TAF1C: variants seen among roughly 807,000 people sequenced by gnomAD.
The protein encoded by TAF1C is TATA-box binding protein associated factor, RNA polymerase I subunit C, also known as TATA box-binding protein-associated factor RNA polymerase I subunit C.
TAF1C carries 79 observed loss-of-function variants against 70.5 expected under a neutral mutation model. The observed-to-expected ratio is 1.12, with a 90% confidence interval of 0.93 to 1.35. The LOEUF is 1.35. Ranked by LOEUF, TAF1C falls within the 40% of genes most tolerant of loss-of-function variation. The pLI, the probability that TAF1C is intolerant of heterozygous loss-of-function variation, is 0.00. For missense variants in TAF1C, 1,412 were observed against 1,127.8 expected (o/e 1.25, Z -3.61); for synonymous variants, 614 against 491.1 (o/e 1.25, Z -3.31).
chr16:84,181,712 GC>G (rs1567592572), intron 9 of TAF1C, 33 bp downstream of exon 9: 1 of 1,613,858 alleles, frequency 6.2e-7, no homozygotes, highest in East Asian at 2.2e-5. Context: ...CCTGCCTCCA[GC>G]CCCTCCTCAC....
At chr16:84,183,179 C>A (rs758684633) in intron 5 of TAF1C, 30 bp from the exon 6 acceptor site, 1 of 1,614,046 alleles carries the variant, frequency 6.2e-7, no homozygotes. Flanking sequence ...CAGGCTCACA[C>A]ACCCTCGAGT....
Position 84,182,848 on chromosome 16 carries a change from C to T in TAF1C, c.482+228G>A, listed in dbSNP as rs371114637. On this transcript the variant is annotated intron_variant, in intron 6 of 14. Transcript: ENST00000566732. The surrounding 1 kb of genome is among the most constrained non-coding windows in gnomAD (Gnocchi z 5.0). ...GGAAAGAGAGACACAGCTCTATGAA[C>T]ATTATTTGAACACCTGGATGCAGCT... is the stretch of plus-strand genomic sequence containing the variant. Among the ~76,000 whole-genome samples, 222 of 152,306 alleles carry T rather than the reference C, an allele frequency of 1.5e-3. 1 individual carries two copies. The highest frequency in any genetic ancestry group is 0.01 in the Middle Eastern group (3 of 294).
At position 84,181,137 on chromosome 16, in the gene TAF1C, G is replaced by A. The variant is rs78476640; in HGVS notation, c.1214C>T (p.Ser405Leu). 1.5e-4 allele frequency: 242 copies of A among 1,612,818 alleles called. 5 individuals carry two copies. The East Asian group carries it at 5.2e-3, about 34-fold the overall frequency. The change falls in exon 12 of 15, where the codon TCG becomes TTG. Residue 405 changes from serine (S) to leucine (L), a missense_variant. Ser to Leu is a moderately radical substitution (Grantham distance 145). Coordinates refer to ENST00000566732, the MANE Select transcript of TAF1C (RefSeq NM_001243156.2). ...CAGGACACGTTCCCCTTTCTGGCAC[G>A]AAGCCTCTGCCCCCAAACGAAAAAG... ...LLLFRLGAEA[S>L]CQKGERVLLT...
rs754546154 is a variant in TAF1C, at chr16:84,179,974, C to T, written c.1593G>A (p.Leu531=). Reference sequence around the variant, plus strand: ...TGGTCGGTGCTTTCAGGCGCTCCTGCAGCCGCCACTGGATCTTAGGCTCCA... The same window carrying T: ...TGGTCGGTGCTTTCAGGCGCTCCTGTAGCCGCCACTGGATCTTAGGCTCCA... The part of the protein sequence containing the change: ...PLLEPKIQWR[L]QERLKAPTIG... Residue 531 remains leucine (L), a synonymous_variant, in exon 14 of 15, where the codon CTG becomes CTA. Coordinates refer to ENST00000566732, the MANE Select transcript of TAF1C (RefSeq NM_001243156.2). The T allele has an allele frequency of 2.5e-6, 4 of 1,612,280 alleles. No individual in the cohort carries two copies. The highest frequency in any genetic ancestry group is 1.3e-5 in the African/African-American group (1 of 75,018).
At chr16:84,180,482 C>G (rs917959882) in intron 12 of TAF1C, 138 bp from the exon 13 acceptor site, 3 of 900,788 alleles carry the variant, frequency 3.3e-6, no homozygotes, top group Non-Finnish European at 4.9e-6. Context: ...CTCCACGTGC[C>G]TCTCAGACTT....
At position 84,181,926 on chromosome 16, in the gene TAF1C, T is replaced by C. The variant is rs139271530; in HGVS notation, c.838+16A>G. 99 of 1,613,956 alleles carry C rather than the reference T, an allele frequency of 6.1e-5. No homozygotes were observed. The highest frequency in any genetic ancestry group is 7.4e-5 in the Non-Finnish European group (87 of 1,179,976). On this transcript the variant is annotated intron_variant, in intron 8 of 14. Transcript: ENST00000566732. ...GGTCAGCCAGTGAGGGAGGAAAGTGTATATAAGGGCCTTACTTTCTCCCTG... is the reference window on the plus strand; with the variant it reads ...GGTCAGCCAGTGAGGGAGGAAAGTGCATATAAGGGCCTTACTTTCTCCCTG...
rs905505724 is a variant in TAF1C at position 84,183,467 on chromosome 16, G to A, written c.261C>T (p.Phe87=). The change falls in exon 4 of 15, where the codon TTC becomes TTT. Residue 87 remains phenylalanine (F), a synonymous_variant. Transcript: ENST00000566732. ...GCTTCCGATACCGGCACCCTCCGCG[G>A]AAAAGCAGGTCCCGGGCAGTCAGGC... is the stretch of plus-strand genomic sequence containing the variant. ...DPGLTARDLL[F]RGGCRYRKRP... 2.5e-6 allele frequency: 4 copies of A among 1,611,970 alleles called. No individual in the cohort carries two copies. In the African/African-American group the frequency reaches 5.3e-5, roughly 22 times the overall value.
Position 84,182,561 on chromosome 16 carries a change from G to A in TAF1C, c.483-121C>T, listed in dbSNP as rs2089265416. 3 of 934,030 alleles carry A rather than the reference G, an allele frequency of 3.2e-6. No homozygotes were observed. Among genetic ancestry groups the A allele is most frequent in the Non-Finnish European group, 4.7e-6 (3 of 635,078 alleles). 57.9% of individuals were successfully genotyped at this position (934,030 alleles called of 1,614,324 possible). On this transcript the variant is annotated intron_variant, in intron 6 of 14. Transcript: ENST00000566732. The surrounding 1 kb of genome is among the most constrained non-coding windows in gnomAD (Gnocchi z 5.0). ...ATTTACCTAGAATTTCTTCCTTTGG[G>A]AGACCACCCCATCCTGTTCCCATGC... is the stretch of plus-strand genomic sequence containing the variant.
Position 84,178,932 on chromosome 16 carries a change from C to G in TAF1C, c.*9G>C, listed in dbSNP as rs770596520. ...TCTCTGGGGCTTGAGGGCAGCCCAC[C>G]TTGTGTCCTCAGAAGCCCATTCGAG... On this transcript the variant is annotated 3_prime_UTR_variant, in exon 15 of 15. Coordinates refer to ENST00000566732, the MANE Select transcript of TAF1C (RefSeq NM_001243156.2). 1.2e-5 allele frequency: 19 copies of G among 1,583,840 alleles called. No individual in the cohort carries two copies. The highest frequency in any genetic ancestry group is 1.4e-5 in the Non-Finnish European group (16 of 1,167,192).
Position 84,178,962 on chromosome 16 carries a change from C to A in TAF1C, c.2511G>T (p.Lys837Asn), listed in dbSNP as rs773455339. 20 of 1,609,620 alleles carry A rather than the reference C, an allele frequency of 1.2e-5. No individual in the cohort carries two copies. Among genetic ancestry groups the A allele is most frequent in the Non-Finnish European group, 1.7e-5 (20 of 1,179,134 alleles). ...GTCCTCAGAAGCCCATTCGAGGCTT[C>A]TTCCGGAGGGGCTGAGAGCTAGAGA... ...PVLSSSQPLR[K>N]KPRMGF Residue 837 changes from lysine (K) to asparagine (N), a missense_variant, in exon 15 of 15, where the codon AAG becomes AAT. By Grantham distance (94) the Lys-to-Asn change is moderately conservative. Transcript: ENST00000566732.
chr16:84,179,914 G>GC (rs2089031940), intron 14 of TAF1C, 32 bp downstream of exon 14: 11 of 1,602,422 alleles, frequency 6.9e-6, no homozygotes, highest in African/African-American at 2.7e-5. Context: ...TTTCCACTGC[G>GC]CCCCCCAAGC....
rs1221978924 is a variant in TAF1C, at chr16:84,183,129, T to C, written c.429A>G (p.Thr143=). The C allele has an allele frequency of 1.9e-6, 3 of 1,614,026 alleles. No individual in the cohort carries two copies. Among genetic ancestry groups the C allele is most frequent in the Admixed American group, 3.3e-5 (2 of 60,010 alleles). The part of the protein sequence containing the change: ...EGAGSRTKKK[T]VVSVKKLLQD... ...GGAGCAGCTTCTTCACACTGACCAC[T>C]GTCTTCTTCTTAGTGCGGCTCTGCA... The change falls in exon 6 of 15, where the codon ACA becomes ACG. Residue 143 remains threonine (T), a synonymous_variant. Transcript: ENST00000566732.
intron 2 of TAF1C, among the ~76,000 whole-genome samples, chr16:84,184,519 C>G (rs1037705906): frequency 6.6e-6 from 1 of 152,198 alleles, no homozygotes; most frequent in Admixed American, 6.5e-5. Context: ...ATTCCAAGCT[C>G]TGATCACATT....
At chr16:84,186,178 G>A (rs567652186) in intron 1 of TAF1C, among the ~76,000 whole-genome samples, 2 of 152,210 alleles carry the variant, frequency 1.3e-5, no homozygotes, top group Non-Finnish European at 2.9e-5. Context: ...ATTCCCATCC[G>A]ATTCAGAGGC....
At position 84,182,106 on chromosome 16, in the gene TAF1C, C is replaced by G. The variant is rs542027723; in HGVS notation, c.722-48G>C. 2 of 1,596,272 alleles carry G rather than the reference C, an allele frequency of 1.3e-6. No homozygotes were observed. Among genetic ancestry groups the G allele is most frequent in the Middle Eastern group, 1.7e-4 (1 of 5,978 alleles). On this transcript the variant is annotated intron_variant, in intron 7 of 14. Coordinates refer to ENST00000566732, the MANE Select transcript of TAF1C (RefSeq NM_001243156.2). This position sits in a 1 kb window ranked among gnomAD's most constrained non-coding sequence, Gnocchi z 5.0. ...GTGCACGAGCTATGATCACTGCAAG[C>G]CCCCCAAATTCCTGCCCTTCTCTGG...
At position 84,177,989 on chromosome 16, in the gene TAF1C, C is replaced by T; in HGVS notation, c.*952G>A. 1.4e-6 allele frequency: 1 copy of T among 720,226 alleles called. No individual in the cohort carries two copies. Among genetic ancestry groups the T allele is most frequent in the Non-Finnish European group, 2.4e-6 (1 of 408,806 alleles). The allele number at this position is 720,226 out of a possible 1,614,324, so 44.6% of individuals were successfully genotyped here. A position where few individuals can be genotyped will look rare whatever the true frequency, so the allele number is the denominator to read the frequency against. ...CATGCAATTCCTTTCACCAGCCAAC[C>T]TGAAAAAAGACCTTTCTCTTACTAT... is the stretch of plus-strand genomic sequence containing the variant. On this transcript the variant is annotated 3_prime_UTR_variant, in exon 15 of 15. Transcript: ENST00000566732.
chr16:84,184,397 G>A (rs2089371591), intron 2 of TAF1C, among the ~76,000 whole-genome samples: 1 of 152,178 alleles, frequency 6.6e-6, no homozygotes, highest in African/African-American at 2.4e-5. Flanking sequence ...GAACTAGGCG[G>A]CTGAGGATTC....
At position 84,182,334 on chromosome 16, in the gene TAF1C, C is replaced by A; in HGVS notation, c.589G>T (p.Glu197Ter). 6.2e-7 allele frequency: 1 copy of A among 1,612,708 alleles called. No individual in the cohort carries two copies. The highest frequency in any genetic ancestry group is 8.5e-7 in the Non-Finnish European group (1 of 1,179,858). The change falls in exon 7 of 15, where the codon GAG (glutamate) becomes TAG (stop). Residue 197 changes from glutamate to a stop codon, truncating the protein, a stop_gained. Transcript: ENST00000566732. LOFTEE classifies it high-confidence loss of function. The surrounding 1 kb of genome is among the most constrained non-coding windows in gnomAD (Gnocchi z 5.0). ...AGCTGCTCCCACCGCAGCACCAGCTCCTCGTGCAGCAGCTCTGCCAAGTGG... is the reference window on the plus strand; with the variant it reads ...AGCTGCTCCCACCGCAGCACCAGCTACTCGTGCAGCAGCTCTGCCAAGTGG... Reference protein sequence around the residue: ...ASHLAELLHEELVLRWEQLLL... With the variant: ...ASHLAELLHE
At position 84,183,501 on chromosome 16, in the gene TAF1C, C is replaced by T. The variant is rs1475301398; in HGVS notation, c.227G>A (p.Trp76Ter). 2 of 1,609,672 alleles carry T rather than the reference C, an allele frequency of 1.2e-6. No homozygotes were observed. The highest frequency in any genetic ancestry group is 8.5e-7 in the Non-Finnish European group (1 of 1,178,040). Residue 76 changes from tryptophan to a stop codon, truncating the protein, a stop_gained, in exon 4 of 15, where the codon TGG becomes TAG. Coordinates refer to ENST00000566732, the MANE Select transcript of TAF1C (RefSeq NM_001243156.2). LOFTEE classifies it high-confidence loss of function. ...LPMLPPLIDP[W>*]DPGLTARDLL... ...GTCCCGGGCAGTCAGGCCAGGGTCC[C>T]AGGGATCTGAGAAGGAGGTTACGGA...
Sources: allele counts gnomAD v4.1 joint callset (sites outside exome capture counted in the v4.1 genomes callset), GRCh38; gene constraint gnomAD v4.1.1; non-coding constraint Gnocchi (gnomAD v3.1); transcripts MANE v1.5; gene names NCBI Gene and HGNC (gene_info 2026-07-23, HGNC 2026-07-21).